The following TAB2 variants were observed in gnomAD, a reference collection of about 807,000 sequenced individuals.
The protein encoded by TAB2 is TGF-beta activated kinase 1 (MAP3K7) binding protein 2.
Under a neutral mutation model 65.0 loss-of-function variants are expected in TAB2, and 3 were observed. That is an observed-to-expected ratio of 0.05 (90% CI 0.02 to 0.12). The LOEUF is 0.12. Ranked by LOEUF, TAB2 falls within the 10% of genes least tolerant of loss-of-function variation. The pLI is 1.00. For missense variants in TAB2, 623 were observed against 840.3 expected (o/e 0.74, Z 3.20); for synonymous variants, 298 against 285.1 (o/e 1.05, Z -0.46).
intron 1 of TAB2, among the ~76,000 whole-genome samples, chr6:149,224,251 C>T (rs533106705): frequency 5.9e-5 from 9 of 152,266 alleles, no homozygotes; most frequent in African/African-American, 1.9e-4. Context: ...TTGAATAGTA[C>T]AAGGAGCTAA....
At chr6:149,265,459 A>G (rs1262446463) in intron 1 of TAB2, among the ~76,000 whole-genome samples, 5 of 152,016 alleles carry the variant, frequency 3.3e-5, no homozygotes, top group Non-Finnish European at 7.4e-5. Flanking sequence ...ATAACATTTC[A>G]TATCCACAGG....
Position 149,254,110 on chromosome 6 carries a change from G to GGA in TAB2, c.-121+35334_-121+35335insGA, listed in dbSNP as rs1431496103. Among the ~76,000 whole-genome samples, 724 of 128,472 alleles carry GGA rather than the reference G, an allele frequency of 5.6e-3. 6 individuals carry two copies. The highest frequency in any genetic ancestry group is 7.7e-3 in the Non-Finnish European group (456 of 59,406). 84.3% of individuals were successfully genotyped at this position (128,472 alleles called of 152,430 possible). On this transcript the variant is annotated intron_variant, in intron 1 of 1. Transcript: ENST00000606202. ...GGAAGGAAGGAAGGAAGGAAGGAAG[G>GGA]AAGGACAGGGAAGGGAAGGGAAAGG...
At chr6:149,398,312 T>G (rs1782245072) in intron 5 of TAB2, among the ~76,000 whole-genome samples, 1 of 152,262 alleles carries the variant, frequency 6.6e-6, no homozygotes, top group Admixed American at 6.5e-5. Context: ...TTTCTTATAC[T>G]TGAGCTATTA....
chr6:149,382,696 G>A (rs952953907), intron 3 of TAB2, among the ~76,000 whole-genome samples: 2 of 152,128 alleles, frequency 1.3e-5, no homozygotes, highest in African/African-American at 2.4e-5. Flanking sequence ...TAAACCCTCT[G>A]GAAAGATATT....
chr6:149,241,806 A>G (rs1314848052), intron 1 of TAB2, among the ~76,000 whole-genome samples: 1 of 152,232 alleles, frequency 6.6e-6, no homozygotes, highest in Non-Finnish European at 1.5e-5. Flanking sequence ...AATCAGACTT[A>G]AGGATGGCTT....
intron 3 of TAB2, among the ~76,000 whole-genome samples, chr6:149,393,825 G>C (rs571620631): frequency 6.6e-6 from 1 of 150,714 alleles, no homozygotes; most frequent in African/African-American, 2.5e-5. Context: ...TATCTCATAT[G>C]TTTTGCCCTA....
chr6:149,227,766 G>A (rs12206090), intron 1 of TAB2, among the ~76,000 whole-genome samples: 9,119 of 152,278 alleles, frequency 0.06, 480 homozygotes, highest in South Asian at 0.13. Context: ...TTTGTAAAAT[G>A]TGGAATTTAC....
intron 1 of TAB2, among the ~76,000 whole-genome samples, chr6:149,355,181 G>A (rs114613529): frequency 0.016 from 2,395 of 152,142 alleles, 51 homozygotes; most frequent in South Asian, 0.097. Context: ...TTTCCCCAGT[G>A]AAAATTATTT....
intron 1 of TAB2, among the ~76,000 whole-genome samples, chr6:149,272,115 A>G (rs1778375496): frequency 6.6e-6 from 1 of 152,124 alleles, no homozygotes; most frequent in Non-Finnish European, 1.5e-5. Flanking sequence ...GGAGAAAGGG[A>G]AAAAAACAGG....
At chr6:149,239,794 T>A (rs1777563877) in intron 1 of TAB2, among the ~76,000 whole-genome samples, 2 of 152,160 alleles carry the variant, frequency 1.3e-5, no homozygotes, top group East Asian at 1.9e-4. Context: ...ACTGAGCCCA[T>A]CCTAGAGACA....
chr6:149,383,893 A>G (rs1463391791), intron 3 of TAB2, among the ~76,000 whole-genome samples: 4 of 152,110 alleles, frequency 2.6e-5, no homozygotes, highest in African/African-American at 4.8e-5. Context: ...CAGTGACACA[A>G]TCTTGATCTA....
At chr6:149,361,422 G>C (rs1237846701) in intron 1 of TAB2, among the ~76,000 whole-genome samples, 1 of 152,164 alleles carries the variant, frequency 6.6e-6, no homozygotes, top group Non-Finnish European at 1.5e-5. Flanking sequence ...GGGGCCCTTT[G>C]AGCCATAGCT....
chr6:149,398,058 C>T lies in TAB2; in HGVS notation c.1854C>T (p.Ala618=). 1 of 1,613,150 alleles carries T rather than the reference C, an allele frequency of 6.2e-7. No individual in the cohort carries two copies. The highest frequency in any genetic ancestry group is 2.2e-5 in the East Asian group (1 of 44,796). Residue 618 remains alanine (A), a synonymous_variant, in exon 5 of 7, where the codon GCC becomes GCT. Coordinates refer to ENST00000637181, the MANE Select transcript of TAB2 (RefSeq NM_001292034.3). ...CLTKEIDLFQ[A]RGPHFNPSAI... is the part of the protein sequence containing the mutation. ...CCAAAGAAATTGATCTTTTTCAAGC[C>T]CGAGGTAAAGTTCAGTGTATTTGTA... is the stretch of plus-strand genomic sequence containing the variant.
At chr6:149,333,713 G>T (rs1205763784) in intron 1 of TAB2, among the ~76,000 whole-genome samples, 1 of 118,904 alleles carries the variant, frequency 8.4e-6, no homozygotes, top group Non-Finnish European at 1.6e-5. Context: ...TCCATAGTGT[G>T]TGTGTGTGTG....
At chr6:149,400,329 C>T (rs536188960) in intron 6 of TAB2, 37 of 1,552,550 alleles carry the variant, frequency 2.4e-5, no homozygotes, top group South Asian at 3.6e-5. Context: ...CTCGTGTACT[C>T]GTTAGGTGCG....
At chr6:149,272,725 G>A (rs1778385780) in intron 1 of TAB2, among the ~76,000 whole-genome samples, 1 of 152,190 alleles carries the variant, frequency 6.6e-6, no homozygotes, top group Non-Finnish European at 1.5e-5. Context: ...GGATTTGCCT[G>A]TGGTCAGCTT....
chr6:149,337,165 A>G (rs918602294), intron 1 of TAB2, among the ~76,000 whole-genome samples: 1 of 152,218 alleles, frequency 6.6e-6, no homozygotes, highest in Non-Finnish European at 1.5e-5. Context: ...TTGTATTATT[A>G]CTAAAGAAGC....
intron 1 of TAB2, among the ~76,000 whole-genome samples, chr6:149,337,945 A>G (rs1005848529): frequency 1.3e-5 from 2 of 152,186 alleles, no homozygotes; most frequent in African/African-American, 4.8e-5. Flanking sequence ...GCTGAGATGC[A>G]TGGAGTCAGG....
chr6:149,387,998 A>G (rs1025611656), intron 3 of TAB2, among the ~76,000 whole-genome samples: 5 of 152,234 alleles, frequency 3.3e-5, no homozygotes, highest in African/African-American at 1.2e-4. Flanking sequence ...CCCATGTCCA[A>G]GTATCTTGGC....
Sources: gnomAD v4.1 joint callset for allele counts (sites outside exome capture counted in the v4.1 genomes callset) on GRCh38, gnomAD v4.1.1 for gene constraint, MANE v1.5 for transcripts, NCBI Gene and HGNC (gene_info 2026-07-23, HGNC 2026-07-21) for gene names.